Variants in TNNI3 observed in about 807,000 individuals in gnomAD.
TNNI3 encodes troponin I3, cardiac type, also known as troponin I, cardiac muscle.
A neutral mutation model predicts 31.5 loss-of-function variants in TNNI3; 23 were observed. The observed-to-expected ratio is 0.73, with a 90% CI of 0.52 to 1.03. The LOEUF is 1.03. Among genes scored for constraint, TNNI3 ranks in the 50% least tolerant of loss-of-function variants. The probability of loss-of-function intolerance (pLI) is 0.00; values close to 1 mark genes in which losing one functional copy is unlikely to be tolerated. For synonymous variants in TNNI3, 120 were observed against 111.7 expected (o/e 1.07, Z -0.47); for missense variants, 236 against 282.9 (o/e 0.83, Z 1.19).
chr19:55,151,795 C>A lies in TNNI3; in HGVS notation c.*39G>T. On this transcript the variant is annotated 3_prime_UTR_variant, in exon 8 of 8. Coordinates refer to ENST00000344887, the MANE Select transcript of TNNI3 (RefSeq NM_000363.5). ...CAGCTCAGAGAGAAGCTTTATTCCT[C>A]AGGGCCCTCCTCAGGGCAGGGGCAG... 1 of 1,590,022 alleles carries A rather than the reference C, an allele frequency of 6.3e-7. No homozygotes were observed. Among genetic ancestry groups the A allele is most frequent in the South Asian group, 1.1e-5 (1 of 90,574 alleles).
Position 55,157,488 on chromosome 19 carries a change from C to T in TNNI3, c.11+91G>A. The T allele has an allele frequency of 6.3e-7, 1 of 1,586,062 alleles. No homozygotes were observed. Among genetic ancestry groups the T allele is most frequent in the Non-Finnish European group, 8.6e-7 (1 of 1,158,430 alleles). On this transcript the variant is annotated intron_variant, in intron 1 of 7. Coordinates refer to ENST00000344887, the MANE Select transcript of TNNI3 (RefSeq NM_000363.5). This position sits in a 1 kb window ranked among gnomAD's most constrained non-coding sequence, Gnocchi z 6.3. ...CACCCAAGAGTCCCTACGCCTACCT[C>T]GCAGGCCAAGGGTCCAGCCTCTCAG...
chr19:55,157,238 C>CT lies in TNNI3; in HGVS notation c.24+57dup, dbSNP rs1168175568. On this transcript the variant is annotated intron_variant, in intron 2 of 7. Transcript: ENST00000344887. The surrounding 1 kb of genome is among the most constrained non-coding windows in gnomAD (Gnocchi z 6.3). ...GCAGCCTCCCGCCCCAGACCCCTCA[C>CT]TGCAGCGCCCACCCTGGCCCTGGGG... is the stretch of plus-strand genomic sequence containing the variant. The CT allele has an allele frequency of 2.5e-6, 4 of 1,607,110 alleles. No individual in the cohort carries two copies. The East Asian group carries it at 9.0e-5, about 36-fold the overall frequency.
chr19:55,151,863 C>A lies in TNNI3; in HGVS notation c.604G>T (p.Glu202Ter). 1 of 1,614,178 alleles carries A rather than the reference C, an allele frequency of 6.2e-7. No homozygotes were observed. Among genetic ancestry groups the A allele is most frequent in the Non-Finnish European group, 8.5e-7 (1 of 1,180,000 alleles). Residue 202 changes from glutamate to a stop codon, truncating the protein, a stop_gained, in exon 8 of 8, where the codon GAG becomes TAG. Transcript: ENST00000344887. LOFTEE classifies it high-confidence loss of function. ...RKNIDALSGM[E>*]GRKKKFES ...CTCTCAAACTTTTTCTTGCGGCCCT[C>A]CATTCCACTCAGTGCATCGATGTTC...
Position 55,156,525 on chromosome 19 carries a change from A to G in TNNI3, c.150+78T>C, listed in dbSNP as rs929154618. 2.0e-6 allele frequency: 3 copies of G among 1,515,372 alleles called. No individual in the cohort carries two copies. The African/African-American group carries it at 4.4e-5, about 22-fold the overall frequency. 93.9% of individuals were successfully genotyped at this position (1,515,372 alleles called of 1,614,324 possible). ...AAACCCCGCCCACTTCCGCCCACCT[A>G]CCCCGAAAGCCCCACCCATTCTCAA... On this transcript the variant is annotated intron_variant, in intron 4 of 7. Coordinates refer to ENST00000344887, the MANE Select transcript of TNNI3 (RefSeq NM_000363.5). This position sits in a 1 kb window ranked among gnomAD's most constrained non-coding sequence, Gnocchi z 4.6.
At position 55,154,036 on chromosome 19, in the gene TNNI3, G is replaced by C. The variant is rs926550445; in HGVS notation, c.543C>G (p.Thr181=). 1 of 1,611,584 alleles carries C rather than the reference G, an allele frequency of 6.2e-7. No individual in the cohort carries two copies. The highest frequency in any genetic ancestry group is 2.2e-5 in the East Asian group (1 of 44,840). The part of the protein sequence containing the change: ...AHLKQVKKED[T]EKENREVGDW... Reference sequence around the variant, plus strand: ...GGCCTTAGCCCACACTCACCTTCTCGGTGTCCTCCTTCTTCACCTGCTTGA... The same window carrying C: ...GGCCTTAGCCCACACTCACCTTCTCCGTGTCCTCCTTCTTCACCTGCTTGA... The change falls in exon 7 of 8, where the codon ACC becomes ACG. Residue 181 remains threonine (T), a synonymous_variant. Coordinates refer to ENST00000344887, the MANE Select transcript of TNNI3 (RefSeq NM_000363.5).
rs777702465 is a variant in TNNI3 at position 55,157,294 on chromosome 19, A to T, written c.24+2T>A. The T allele has an allele frequency of 4.3e-6, 7 of 1,612,632 alleles. No individual in the cohort carries two copies. In the South Asian group the frequency reaches 7.7e-5, roughly 18 times the overall value. On this transcript the variant is annotated splice_donor_variant, in intron 2 of 7. Coordinates refer to ENST00000344887, the MANE Select transcript of TNNI3 (RefSeq NM_000363.5). LOFTEE classifies it high-confidence loss of function. The surrounding 1 kb of genome is among the most constrained non-coding windows in gnomAD (Gnocchi z 6.3). ...AGCCACGCCTTAGCCCGCTGCTCTC[A>T]CCGCATCGCTGCTCCTGGAAGGAGA...
chr19:55,156,882 G>C lies in TNNI3; in HGVS notation c.108+168C>G, dbSNP rs560270715. The C allele has an allele frequency of 4.4e-6, 4 of 917,972 alleles. No individual in the cohort carries two copies. In the African/African-American group the frequency reaches 6.5e-5, roughly 15 times the overall value. 56.9% of individuals were successfully genotyped at this position (917,972 alleles called of 1,614,324 possible). ...GCAAGTCCGAGGGCAACGGAGTTCC[G>C]CCCGCAGGCTGCTGTCACCAATCCG... On this transcript the variant is annotated intron_variant, in intron 3 of 7. Coordinates refer to ENST00000344887, the MANE Select transcript of TNNI3 (RefSeq NM_000363.5). This position sits in a 1 kb window ranked among gnomAD's most constrained non-coding sequence, Gnocchi z 4.6.
rs540090443 is a variant in TNNI3 at position 55,157,472 on chromosome 19, G to T, written c.11+107C>A. ...ACCCACTTCCTCTCTTCACCCAAGA[G>T]TCCCTACGCCTACCTCGCAGGCCAA... On this transcript the variant is annotated intron_variant, in intron 1 of 7. Coordinates refer to ENST00000344887, the MANE Select transcript of TNNI3 (RefSeq NM_000363.5). This position sits in a 1 kb window ranked among gnomAD's most constrained non-coding sequence, Gnocchi z 6.3. 1 of 1,579,056 alleles carries T rather than the reference G, an allele frequency of 6.3e-7. No homozygotes were observed. The highest frequency in any genetic ancestry group is 1.7e-4 in the Middle Eastern group (1 of 5,942).
Position 55,156,784 on chromosome 19 carries a change from AG to A in TNNI3, c.109-141del. On this transcript the variant is annotated intron_variant, in intron 3 of 7. Transcript: ENST00000344887. The surrounding 1 kb of genome is among the most constrained non-coding windows in gnomAD (Gnocchi z 4.6). ...CCAACTTGAGCCCTGAGTCTACGGG[AG>A]GCCACGCCCCTCATTCCCATCCACC... The A allele has an allele frequency of 1.0e-6, 1 of 996,238 alleles. No individual in the cohort carries two copies. The highest frequency in any genetic ancestry group is 1.5e-6 in the Non-Finnish European group (1 of 645,438). 61.7% of individuals were successfully genotyped at this position (996,238 alleles called of 1,614,324 possible).
intron 6 of TNNI3, 70 bp from the exon 7 acceptor site, chr19:55,154,276 TC>T: frequency 6.7e-7 from 1 of 1,495,844 alleles, no homozygotes; most frequent in Non-Finnish European, 9.2e-7. Context: ...CATCCTACAC[TC>T]CTTTTTTATT....
Position 55,151,862 on chromosome 19 carries a change from T to G in TNNI3, c.605A>C (p.Glu202Ala). 1 of 1,614,104 alleles carries G rather than the reference T, an allele frequency of 6.2e-7. No individual in the cohort carries two copies. The highest frequency in any genetic ancestry group is 8.5e-7 in the Non-Finnish European group (1 of 1,179,976). The change falls in exon 8 of 8, where the codon GAG (glutamate) becomes GCG (alanine). Residue 202 changes from glutamate to alanine, a missense_variant. Around this residue, in one of 4 missense-constraint regions of TNNI3, gnomAD observed 28 missense variants for 36.2 expected, o/e 0.77. Transcript: ENST00000344887. Reference sequence around the variant, plus strand: ...GCTCTCAAACTTTTTCTTGCGGCCCTCCATTCCACTCAGTGCATCGATGTT... The same window carrying G: ...GCTCTCAAACTTTTTCTTGCGGCCCGCCATTCCACTCAGTGCATCGATGTT... ...RKNIDALSGM[E>A]GRKKKFES
At chr19:55,154,693 G>T (rs1203489515) in intron 6 of TNNI3, 48 bp downstream of exon 6, 7 of 1,549,346 alleles carry the variant, frequency 4.5e-6, no homozygotes, top group Non-Finnish European at 5.3e-6. Flanking sequence ...CCAAGTCCCA[G>T]CCATCTCACC....
In TNNI3 at chr19:55,157,687, G is replaced by A. The variant is rs12973773; in HGVS notation, c.-98C>T. 6.2e-6 allele frequency: 9 copies of A among 1,455,556 alleles called. No individual in the cohort carries two copies. Among genetic ancestry groups the A allele is most frequent in the African/African-American group, 5.6e-5 (4 of 71,284 alleles). The allele number at this position is 1,455,556 out of a possible 1,614,324, so 90.2% of individuals were successfully genotyped here. ...GCCCGGGTGACCTTCAGGGTCCCAG[G>A]GACCGTCAGTCTCCTCCGGGCTGCT... On this transcript the variant is annotated 5_prime_UTR_variant, in exon 1 of 8. Transcript: ENST00000344887. The surrounding 1 kb of genome is among the most constrained non-coding windows in gnomAD (Gnocchi z 6.3).
intron 7 of TNNI3, 121 bp downstream of exon 7, chr19:55,153,909 G>A: frequency 9.9e-7 from 1 of 1,007,444 alleles, no homozygotes. Flanking sequence ...CATTTCTGAG[G>A]ACCCCTTACT....
Position 55,156,501 on chromosome 19 carries a change from A to G in TNNI3, c.150+102T>C. On this transcript the variant is annotated intron_variant, in intron 4 of 7. Coordinates refer to ENST00000344887, the MANE Select transcript of TNNI3 (RefSeq NM_000363.5). The surrounding 1 kb of genome is among the most constrained non-coding windows in gnomAD (Gnocchi z 4.6). ...GCTAAAGCCACGCCCCGAGCGGCCA[A>G]ACCCCGCCCACTTCCGCCCACCTAC... is the stretch of plus-strand genomic sequence containing the variant. 6.6e-7 allele frequency: 1 copy of G among 1,522,506 alleles called. No homozygotes were observed. Among genetic ancestry groups the G allele is most frequent in the Non-Finnish European group, 8.9e-7 (1 of 1,124,986 alleles). 94.3% of individuals were successfully genotyped at this position (1,522,506 alleles called of 1,614,324 possible). A position where few individuals can be genotyped will look rare whatever the true frequency, so the allele number is the denominator to read the frequency against.
Position 55,156,916 on chromosome 19 carries a change from C to A in TNNI3, c.108+134G>T. On this transcript the variant is annotated intron_variant, in intron 3 of 7. Transcript: ENST00000344887. This position sits in a 1 kb window ranked among gnomAD's most constrained non-coding sequence, Gnocchi z 4.6. ...CTGCTGTCACCAATCCGAGCATGAC[C>A]CTCTGCAAAACTCCGCCCCTGAAGC... The A allele has an allele frequency of 9.2e-7, 1 of 1,082,498 alleles. No homozygotes were observed. The highest frequency in any genetic ancestry group is 1.3e-5 in the South Asian group (1 of 74,384). The allele number at this position is 1,082,498 out of a possible 1,614,324, so 67.1% of individuals were successfully genotyped here.
chr19:55,157,571 T>C lies in TNNI3; in HGVS notation c.11+8A>G, dbSNP rs749299643. 2 of 1,613,866 alleles carry C rather than the reference T, an allele frequency of 1.2e-6. No homozygotes were observed. The highest frequency in any genetic ancestry group is 1.7e-6 in the Non-Finnish European group (2 of 1,179,924). ...CCCCAACTCCCACTGCCTTGGGGCA[T>C]CACTCACCCATCCGCCATGCTGAGA... is the stretch of plus-strand genomic sequence containing the variant. On this transcript the variant is annotated splice_region_variant and intron_variant, in intron 1 of 7. Transcript: ENST00000344887. The surrounding 1 kb of genome is among the most constrained non-coding windows in gnomAD (Gnocchi z 6.3).
chr19:55,156,696 G>A lies in TNNI3; in HGVS notation c.109-52C>T. The A allele has an allele frequency of 6.5e-7, 1 of 1,543,826 alleles. No homozygotes were observed. The highest frequency in any genetic ancestry group is 1.2e-5 in the South Asian group (1 of 84,182). The stretch of plus-strand genomic sequence containing the variant: ...GGATCATGGAGGGGGATTCGGAGAC[G>A]ACGGTGGAGGGGACCTCAAGACACC... On this transcript the variant is annotated intron_variant, in intron 3 of 7. Coordinates refer to ENST00000344887, the MANE Select transcript of TNNI3 (RefSeq NM_000363.5). This position sits in a 1 kb window ranked among gnomAD's most constrained non-coding sequence, Gnocchi z 4.6.
chr19:55,154,675 G>T, intron 6 of TNNI3, 66 bp downstream of exon 6: 2 of 1,429,498 alleles, frequency 1.4e-6, no homozygotes, highest in Non-Finnish European at 9.8e-7. Flanking sequence ...CAAGGGGTCA[G>T]GCAGAGACCA....
Sources: gnomAD v4.1 joint callset for allele counts on GRCh38, gnomAD v4.1.1 for gene constraint, gnomAD v4.1.1 regional missense constraint, Gnocchi (gnomAD v3.1) non-coding constraint, MANE v1.5 for transcripts, NCBI Gene and HGNC (gene_info 2026-07-23, HGNC 2026-07-21) for gene names.